CTNNA2: variants seen among roughly 807,000 people sequenced by gnomAD.
The protein encoded by CTNNA2 is catenin alpha 2, also known as catenin alpha-2.
A neutral mutation model predicts 101.0 loss-of-function variants in CTNNA2; 42 were observed. That is an observed-to-expected ratio of 0.42 (90% confidence interval 0.32 to 0.54). CTNNA2 has a LOEUF of 0.54. CTNNA2 is among the 20% of genes least tolerant of loss of function. The pLI is 0.14. For synonymous variants in CTNNA2, 450 were observed against 456.4 expected (o/e 0.99, Z 0.18); for missense variants, 871 against 1,223.1 (o/e 0.71, Z 4.29).
chr2:79,473,751 A>T (rs1406528204), intron 4 of CTNNA2, among the ~76,000 whole-genome samples: 1 of 152,232 alleles, frequency 6.6e-6, no homozygotes, highest in East Asian at 1.9e-4. Flanking sequence ...AAAAAATGTT[A>T]AAGGAAAATA....
At position 80,302,149 on chromosome 2, in the gene CTNNA2, A is replaced by ATATC. The variant is rs1676380066; in HGVS notation, c.1057-91061_1057-91058dup. 2.1e-6 allele frequency: 3 copies of ATATC among 1,413,430 alleles called. No individual in the cohort carries two copies. The highest frequency in any genetic ancestry group is 2.9e-5 in the African/African-American group (2 of 69,896). 87.6% of individuals were successfully genotyped at this position (1,413,430 alleles called of 1,614,324 possible). On this transcript the variant is annotated intron_variant, in intron 7 of 18. Coordinates refer to ENST00000402739, the MANE Select transcript of CTNNA2 (RefSeq NM_001282597.3). This position sits in a 1 kb window ranked among gnomAD's most constrained non-coding sequence, Gnocchi z 6.4. ...CCCCTTAAAGTTTCAGTCAAGGAGC[A>ATATC]TATCAGAGCACAGACAAGGAGACCC... is the stretch of plus-strand genomic sequence containing the variant.
intron 7 of CTNNA2, among the ~76,000 whole-genome samples, chr2:80,231,006 C>G (rs527996838): frequency 6.6e-6 from 1 of 150,684 alleles, no homozygotes; most frequent in Non-Finnish European, 1.5e-5. Flanking sequence ...GAATCTCGCT[C>G]TGTCGTCCAG....
At chr2:79,380,557 A>G (rs1678027641) in intron 4 of CTNNA2, among the ~76,000 whole-genome samples, 2 of 152,184 alleles carry the variant, frequency 1.3e-5, no homozygotes, top group African/African-American at 4.8e-5. Flanking sequence ...GTCCAAATGC[A>G]TATTTCAAGC....
At chr2:79,521,150 ATATATATATATAT>A (rs1558695192) in intron 1 of CTNNA2, among the ~76,000 whole-genome samples, 12 of 67,258 alleles carry the variant, frequency 1.8e-4, no homozygotes, top group African/African-American at 4.8e-4. Context: ...ATATATATAT[ATATATATATATAT>A]ATATAAATTT....
intron 7 of CTNNA2, among the ~76,000 whole-genome samples, chr2:80,244,535 A>T (rs1671182222): frequency 6.6e-6 from 1 of 152,010 alleles, no homozygotes; most frequent in South Asian, 2.1e-4. Context: ...AGTAACTTAG[A>T]CTCAGATGGT....
At chr2:80,049,710 G>A (rs1696747808) in intron 7 of CTNNA2, among the ~76,000 whole-genome samples, 1 of 152,180 alleles carries the variant, frequency 6.6e-6, no homozygotes, top group Admixed American at 6.5e-5. Flanking sequence ...CCTGGCTTCT[G>A]CTGAGGGCAC....
intron 7 of CTNNA2, among the ~76,000 whole-genome samples, chr2:80,206,610 A>T (rs1343994286): frequency 6.6e-6 from 1 of 152,120 alleles, no homozygotes; most frequent in Non-Finnish European, 1.5e-5. Context: ...AAGCGAGTGC[A>T]TTCTATGTTC....
intron 7 of CTNNA2, among the ~76,000 whole-genome samples, chr2:80,201,756 T>C (rs1707228657): frequency 6.6e-6 from 1 of 152,216 alleles, no homozygotes; most frequent in Admixed American, 6.5e-5. Flanking sequence ...AGGACTAATC[T>C]TGTAGTTAAT....
intron 7 of CTNNA2, among the ~76,000 whole-genome samples, chr2:80,108,201 GAGC>G (rs1466456505): frequency 6.6e-6 from 1 of 152,170 alleles, no homozygotes; most frequent in Non-Finnish European, 1.5e-5. Flanking sequence ...GCCCAGAGGG[GAGC>G]AGCCTTGGGT....
chr2:79,330,547 G>A (rs764553300), intron 3 of CTNNA2, among the ~76,000 whole-genome samples: 4 of 152,144 alleles, frequency 2.6e-5, no homozygotes, highest in Non-Finnish European at 5.9e-5. Flanking sequence ...CCCTGGCTGG[G>A]TGATATAGTT....
chr2:80,110,373 T>G (rs1400338371), intron 7 of CTNNA2, among the ~76,000 whole-genome samples: 2 of 152,230 alleles, frequency 1.3e-5, no homozygotes, highest in African/African-American at 4.8e-5. Context: ...AGTAATTTTT[T>G]CAGTTATGTA....
At chr2:79,339,222 T>G (rs1316418778) in intron 3 of CTNNA2, among the ~76,000 whole-genome samples, 10 of 152,072 alleles carry the variant, frequency 6.6e-5, no homozygotes, top group Non-Finnish European at 1.3e-4. Flanking sequence ...AAGAACTAAC[T>G]GGAGATCTAG....
At chr2:80,040,013 C>T (rs571366756) in intron 7 of CTNNA2, among the ~76,000 whole-genome samples, 39 of 152,156 alleles carry the variant, frequency 2.6e-4, no homozygotes, top group South Asian at 6.2e-4. Flanking sequence ...AAAAATAAAA[C>T]GTAAAAATTA....
At chr2:80,639,447 T>G (rs1352732153) in intron 18 of CTNNA2, among the ~76,000 whole-genome samples, 1 of 151,998 alleles carries the variant, frequency 6.6e-6, no homozygotes, top group East Asian at 2.0e-4. Flanking sequence ...TGACCTCAAG[T>G]GATCCGCCCA....
intron 7 of CTNNA2, among the ~76,000 whole-genome samples, chr2:80,368,797 AAAAG>A (rs992405324): frequency 6.6e-6 from 1 of 150,728 alleles, no homozygotes; most frequent in Non-Finnish European, 1.5e-5. Flanking sequence ...AAAAGAAAAG[AAAAG>A]AAAATGAAAA....
intron 7 of CTNNA2, among the ~76,000 whole-genome samples, chr2:80,359,926 G>T (rs1674232157): frequency 6.6e-6 from 1 of 152,034 alleles, no homozygotes; most frequent in African/African-American, 2.4e-5. Flanking sequence ...AGAAACACAA[G>T]CTATTGTGAT....
chr2:80,009,795 C>G (rs576490524), intron 7 of CTNNA2, among the ~76,000 whole-genome samples: 3 of 151,500 alleles, frequency 2.0e-5, no homozygotes, highest in Admixed American at 2.0e-4. Flanking sequence ...ACAATACACT[C>G]TCATCTAAGA....
chr2:80,439,541 G>A (rs1185733823), intron 9 of CTNNA2, among the ~76,000 whole-genome samples: 1 of 152,034 alleles, frequency 6.6e-6, no homozygotes, highest in East Asian at 1.9e-4. Context: ...TGGGATTACA[G>A]GCGCAAACCA....
intron 2 of CTNNA2, among the ~76,000 whole-genome samples, chr2:79,715,855 A>AT (rs1487294124): frequency 6.6e-6 from 1 of 152,186 alleles, no homozygotes; most frequent in Non-Finnish European, 1.5e-5. Context: ...AATATCAAGC[A>AT]TAAGTAGAAG....
Sources: allele counts gnomAD v4.1 joint callset (sites outside exome capture counted in the v4.1 genomes callset), GRCh38; gene constraint gnomAD v4.1.1; non-coding constraint Gnocchi (gnomAD v3.1); transcripts MANE v1.5; gene names NCBI Gene and HGNC (gene_info 2026-07-23, HGNC 2026-07-21).